Variants in CCSER2 observed in about 807,000 individuals in gnomAD.
CCSER2 encodes the protein coiled-coil serine rich protein 2.
CCSER2 carries 46 observed loss-of-function variants against 92.3 expected under a neutral mutation model. The ratio of observed to expected loss-of-function variants is 0.50; its 90% confidence interval spans 0.39 to 0.64. The LOEUF (loss-of-function observed/expected upper bound fraction) is 0.64. Among genes scored for constraint, CCSER2 ranks in the 30% least tolerant of loss-of-function variants. CCSER2 has a pLI of 0.00. For missense variants in CCSER2, 1,244 were observed against 1,238.9 expected (o/e 1.00, Z -0.06); for synonymous variants, 433 against 431.4 (o/e 1.00, Z -0.04).
intron 3 of CCSER2, among the ~76,000 whole-genome samples, chr10:84,395,556 G>A (rs572707149): frequency 6.6e-6 from 1 of 152,276 alleles, no homozygotes; most frequent in East Asian, 1.9e-4. Context: ...TGGCATTTGT[G>A]TGGTACTTCC....
intron 4 of CCSER2, among the ~76,000 whole-genome samples, chr10:84,419,552 ATGTATAATTC>A (rs1198533793): frequency 6.6e-6 from 1 of 152,166 alleles, no homozygotes; most frequent in East Asian, 1.9e-4. Flanking sequence ...AGGACATTGC[ATGTATAATTC>A]TGTAAGGAGA....
At chr10:84,401,335 C>CA (rs1030329196) in intron 3 of CCSER2, among the ~76,000 whole-genome samples, 1 of 151,968 alleles carries the variant, frequency 6.6e-6, no homozygotes, top group African/African-American at 2.4e-5. Flanking sequence ...CATAGTGAAA[C>CA]AAAGATTACA....
At chr10:84,432,133 C>A (rs1229837423) in intron 5 of CCSER2, among the ~76,000 whole-genome samples, 1 of 152,152 alleles carries the variant, frequency 6.6e-6, no homozygotes, top group African/African-American at 2.4e-5. Context: ...TTTTAATTTG[C>A]AGTTCCCTAA....
chr10:84,335,450 C>G (rs1399903071), intron 1 of CCSER2, among the ~76,000 whole-genome samples: 1 of 151,918 alleles, frequency 6.6e-6, no homozygotes, highest in Non-Finnish European at 1.5e-5. Flanking sequence ...CCCCATGTTA[C>G]CCAGGCTGGG....
chr10:84,506,917 A>G (rs1471366716), intron 9 of CCSER2, among the ~76,000 whole-genome samples: 1 of 152,158 alleles, frequency 6.6e-6, no homozygotes, highest in Non-Finnish European at 1.5e-5. Context: ...GTTACTTGGG[A>G]CTAAAACTTT....
At chr10:84,478,953 G>A (rs1014836611) in intron 9 of CCSER2, among the ~76,000 whole-genome samples, 1 of 152,208 alleles carries the variant, frequency 6.6e-6, no homozygotes, top group African/African-American at 2.4e-5. Flanking sequence ...AGAAGACCAT[G>A]CCCCTTGCTT....
At chr10:84,447,521 G>T (rs1844999424) in intron 6 of CCSER2, among the ~76,000 whole-genome samples, 1 of 151,992 alleles carries the variant, frequency 6.6e-6, no homozygotes, top group Non-Finnish European at 1.5e-5. Flanking sequence ...ATCCTTTGAT[G>T]AAAAAAAGTT....
rs1156980262 is a variant in CCSER2, at chr10:84,516,697, T to A, written c.*2430T>A. On this transcript the variant is annotated 3_prime_UTR_variant, in exon 10 of 10. Transcript: ENST00000372088. ...CATAAAAATGTTGACTCCAGTAATT[T>A]ATTTTTCTCTATTTTTTCCTCCATG... 1 of 152,180 alleles carries A rather than the reference T, an allele frequency of 6.6e-6. No individual in the cohort carries two copies. The highest frequency in any genetic ancestry group is 2.4e-5 in the African/African-American group (1 of 41,438). 9.4% of individuals were successfully genotyped at this position (152,180 alleles called of 1,614,324 possible).
chr10:84,476,939 A>T (rs1375000385), intron 8 of CCSER2, among the ~76,000 whole-genome samples: 2 of 152,178 alleles, frequency 1.3e-5, no homozygotes, highest in Non-Finnish European at 2.9e-5. Flanking sequence ...TAAAGTCAAT[A>T]CATCATGAAA....
At chr10:84,463,793 AT>A in intron 6 of CCSER2, 139 bp from the exon 7 acceptor site, 1 of 581,786 alleles carries the variant, frequency 1.7e-6, no homozygotes, top group Non-Finnish European at 3.1e-6. Context: ...GATTTCTAAA[AT>A]TTTGTCTCCC....
intron 7 of CCSER2, 21 bp downstream of exon 7, chr10:84,464,037 TG>T: frequency 1.4e-6 from 2 of 1,386,414 alleles, no homozygotes; most frequent in Non-Finnish European, 2.0e-6. Context: ...GTAGTCATGC[TG>T]GATTTTTCAA....
chr10:84,393,342 G>A (rs190979861), intron 3 of CCSER2, among the ~76,000 whole-genome samples: 103 of 152,190 alleles, frequency 6.8e-4, no homozygotes, highest in African/African-American at 2.2e-3. Flanking sequence ...TTTAAATTAC[G>A]TGGTAAAAGA....
Position 84,372,407 on chromosome 10 carries a change from C to T in CCSER2, c.1355C>T (p.Ser452Phe), listed in dbSNP as rs144817467. The T allele has an allele frequency of 6.3e-7, 1 of 1,593,580 alleles. No individual in the cohort carries two copies. Among genetic ancestry groups the T allele is most frequent in the East Asian group, 2.2e-5 (1 of 44,764 alleles). ...GGGCCACCACAGGATATGTTTGATT[C>T]CCCCAAGGAAAATGAAAAAGCCTTC... Reference protein sequence around the residue: ...ENGPPQDMFDSPKENEKAFSK... With the variant: ...ENGPPQDMFDFPKENEKAFSK... Residue 452 changes from serine (S) to phenylalanine (F), a missense_variant, in exon 2 of 10, where the codon TCC becomes TTC. Ser to Phe is a radical substitution (Grantham distance 155). Transcript: ENST00000372088.
chr10:84,448,636 G>T (rs895803825), intron 6 of CCSER2, among the ~76,000 whole-genome samples: 4 of 152,192 alleles, frequency 2.6e-5, no homozygotes, highest in African/African-American at 7.2e-5. Flanking sequence ...TAAGTGTACA[G>T]TTTGTTTTGA....
chr10:84,353,026 A>G (rs1417841417), intron 1 of CCSER2, among the ~76,000 whole-genome samples: 1 of 152,290 alleles, frequency 6.6e-6, no homozygotes, highest in East Asian at 1.9e-4. Flanking sequence ...TCCTGACCTC[A>G]GGTGATCCAC....
At chr10:84,362,302 A>G (rs2133121466) in intron 1 of CCSER2, among the ~76,000 whole-genome samples, 1 of 152,316 alleles carries the variant, frequency 6.6e-6, no homozygotes, top group Admixed American at 6.5e-5. Flanking sequence ...CTTAATTGTT[A>G]TAGGTGTCTA....
chr10:84,330,921 A>G (rs898163207), intron 1 of CCSER2, among the ~76,000 whole-genome samples: 2 of 152,190 alleles, frequency 1.3e-5, no homozygotes, highest in Admixed American at 6.5e-5. Flanking sequence ...ACGCAGGTAG[A>G]AAGGGATGGC....
intron 5 of CCSER2, among the ~76,000 whole-genome samples, chr10:84,437,148 CACAGAGAGAGAGAG>C (rs1844212220): frequency 7.0e-6 from 1 of 143,274 alleles, no homozygotes; most frequent in Admixed American, 7.3e-5. Context: ...CACACACACA[CACAGAGAGAGAGAG>C]AGAGAGAGAG....
chr10:84,450,848 G>A (rs893702214), intron 6 of CCSER2, among the ~76,000 whole-genome samples: 1 of 152,148 alleles, frequency 6.6e-6, no homozygotes, highest in African/African-American at 2.4e-5. Context: ...GTGTTGCAAA[G>A]GGTAACAAAT....
Sources: gnomAD v4.1 joint callset for allele counts (sites outside exome capture counted in the v4.1 genomes callset) on GRCh38, gnomAD v4.1.1 for gene constraint, MANE v1.5 for transcripts, NCBI Gene and HGNC (gene_info 2026-07-23, HGNC 2026-07-21) for gene names.